Variants in ADAM23 observed in about 807,000 individuals in gnomAD.
The protein encoded by ADAM23 is ADAM metallopeptidase domain 23.
A neutral mutation model predicts 120.1 loss-of-function variants in ADAM23; 33 were observed. That is an observed-to-expected ratio of 0.27 (90% CI 0.21 to 0.37). ADAM23 has a LOEUF of 0.37. ADAM23 is among the 10% of genes least tolerant of loss of function. ADAM23 has a pLI of 1.00. For missense variants in ADAM23, 862 were observed against 1,058.2 expected (o/e 0.81, Z 2.57); for synonymous variants, 367 against 375.2 (o/e 0.98, Z 0.25).
chr2:206,563,952 G>T (rs759798076), intron 13 of ADAM23, among the ~76,000 whole-genome samples: 2 of 151,910 alleles, frequency 1.3e-5, no homozygotes, highest in Admixed American at 1.3e-4. Flanking sequence ...GTATGGTCTC[G>T]ATCTCCTGAC....
chr2:206,532,325 C>CT (rs755429602), intron 4 of ADAM23, among the ~76,000 whole-genome samples: 4,056 of 142,028 alleles, frequency 0.029, 96 homozygotes, highest in Non-Finnish European at 0.038. Context: ...CACTTAGTTA[C>CT]TTTTTTTTTT....
rs1455241190 is a variant in ADAM23 at position 206,443,898 on chromosome 2, C to T, written c.32C>T (p.Pro11Leu). MKPPGSSSRQ[P>L]PLAGCSLAGA... ...CCGCCCGGCAGCAGCTCGCGGCAGC[C>T]GCCCCTGGCGGGCTGCAGCCTTGCC... The change falls in exon 1 of 26, where the codon CCG becomes CTG. Residue 11 changes from proline to leucine, a missense_variant. Physicochemically the swap from Pro to Leu is moderately conservative, Grantham distance 98. Around this residue, in one of 4 missense-constraint regions of ADAM23, gnomAD observed 225 missense variants for 204.0 expected, o/e 1.10. Transcript: ENST00000264377. 4.2e-6 allele frequency: 5 copies of T among 1,179,866 alleles called. No individual in the cohort carries two copies. In the Admixed American group the frequency reaches 1.4e-4, roughly 33 times the overall value. 73.1% of individuals were successfully genotyped at this position (1,179,866 alleles called of 1,614,324 possible).
intron 3 of ADAM23, among the ~76,000 whole-genome samples, chr2:206,529,855 A>C (rs751802897): frequency 3.3e-5 from 5 of 151,946 alleles, no homozygotes; most frequent in Non-Finnish European, 5.9e-5. Context: ...TCTGTCTCTC[A>C]GGATGGAGTG....
At chr2:206,545,331 C>T (rs982037288) in intron 6 of ADAM23, among the ~76,000 whole-genome samples, 29 of 151,936 alleles carry the variant, frequency 1.9e-4, no homozygotes, top group African/African-American at 6.8e-4. Flanking sequence ...ACTAAAAATA[C>T]AAAAATTAGC....
At chr2:206,542,236 G>C in intron 5 of ADAM23, 102 bp downstream of exon 5, 1 of 1,143,092 alleles carries the variant, frequency 8.7e-7, no homozygotes. Flanking sequence ...TGCTGTGTTA[G>C]GGACTGCATG....
At chr2:206,580,260 A>T (rs1698197819) in intron 18 of ADAM23, among the ~76,000 whole-genome samples, 1 of 152,286 alleles carries the variant, frequency 6.6e-6, no homozygotes, top group Admixed American at 6.5e-5. Context: ...TATGTTGAAG[A>T]AGAGTGGTGA....
chr2:206,603,389 A>G (rs960508118), intron 24 of ADAM23, among the ~76,000 whole-genome samples: 3 of 152,238 alleles, frequency 2.0e-5, no homozygotes, highest in Non-Finnish European at 2.9e-5. Flanking sequence ...AGCAGAATCG[A>G]CAAAAAGAAA....
intron 9 of ADAM23, among the ~76,000 whole-genome samples, chr2:206,552,066 G>A (rs2105815073): frequency 6.6e-6 from 1 of 152,230 alleles, no homozygotes; most frequent in African/African-American, 2.4e-5. Flanking sequence ...GGAACATTGA[G>A]ATTTTTTTTC....
In ADAM23 at chr2:206,620,909, C is replaced by T. The variant is rs1699044500; in HGVS notation, c.*3282C>T. On this transcript the variant is annotated 3_prime_UTR_variant, in exon 26 of 26. Transcript: ENST00000264377. ...AAGAACTTTACAAACAATACTTGAA[C>T]CCTTTCTTTAAAGTTATCCCATCAT... is the stretch of plus-strand genomic sequence containing the variant. 6.6e-6 allele frequency: 1 copy of T among 152,174 alleles called. No individual in the cohort carries two copies. The allele number at this position is 152,174 out of a possible 1,614,324, so 9.4% of individuals were successfully genotyped here.
chr2:206,611,253 A>T (rs1204547454), intron 25 of ADAM23, among the ~76,000 whole-genome samples: 2 of 152,174 alleles, frequency 1.3e-5, no homozygotes, highest in African/African-American at 4.8e-5. Context: ...TGTAGAGTTG[A>T]ACTTGTTTAG....
chr2:206,483,090 CAG>C (rs752547519), intron 3 of ADAM23, among the ~76,000 whole-genome samples: 2 of 152,130 alleles, frequency 1.3e-5, no homozygotes, highest in Non-Finnish European at 2.9e-5. Flanking sequence ...AAAATCAAGT[CAG>C]GGGAATAAAC....
At position 206,470,921 on chromosome 2, in the gene ADAM23, A is replaced by G. The variant is rs1695644828; in HGVS notation, c.433-10311A>G. ...AGGGTAGTCAAGGAAAGCAAAGACC[A>G]CTTAGGAATATCATTGTCAAACAGC... is the stretch of plus-strand genomic sequence containing the variant. On this transcript the variant is annotated intron_variant, in intron 2 of 25. Coordinates refer to ENST00000264377, the MANE Select transcript of ADAM23 (RefSeq NM_003812.4). Among the ~76,000 whole-genome samples the G allele has an allele frequency of 2.0e-5, 3 of 152,206 alleles. No individual in the cohort carries two copies. In the South Asian group the frequency reaches 6.2e-4, roughly 31 times the overall value.
At chr2:206,507,724 G>C (rs931042620) in intron 3 of ADAM23, among the ~76,000 whole-genome samples, 1 of 152,188 alleles carries the variant, frequency 6.6e-6, no homozygotes, top group Non-Finnish European at 1.5e-5. Context: ...CCACTGTTGT[G>C]TATTTTTAAG....
chr2:206,590,010 C>G (rs1698396162), intron 21 of ADAM23, among the ~76,000 whole-genome samples: 1 of 151,870 alleles, frequency 6.6e-6, no homozygotes, highest in South Asian at 2.1e-4. Flanking sequence ...ATTTTTTTTC[C>G]CTTCCAAAAA....
chr2:206,444,139 C>T, intron 1 of ADAM23, 59 bp downstream of exon 1: 1 of 1,204,746 alleles, frequency 8.3e-7, no homozygotes, highest in Non-Finnish European at 1.0e-6. Context: ...CAGAGGAAAG[C>T]GAAGGGCGCG....
In ADAM23 at chr2:206,481,327, T is replaced by A; in HGVS notation, c.509+19T>A. ...TGAACAAGTGAGTATTTAGACATAA[T>A]CTTCTTAAGAAGCAGGTGCAATAAA... is the stretch of plus-strand genomic sequence containing the variant. On this transcript the variant is annotated intron_variant, in intron 3 of 25. Coordinates refer to ENST00000264377, the MANE Select transcript of ADAM23 (RefSeq NM_003812.4). The A allele has an allele frequency of 1.3e-6, 2 of 1,552,512 alleles. No homozygotes were observed. The highest frequency in any genetic ancestry group is 8.7e-7 in the Non-Finnish European group (1 of 1,148,798).
chr2:206,607,797 A>G (rs888147112), intron 24 of ADAM23, among the ~76,000 whole-genome samples: 12 of 152,166 alleles, frequency 7.9e-5, no homozygotes, highest in African/African-American at 2.9e-4. Context: ...TTAAAAAATA[A>G]TGTAGTACAA....
intron 3 of ADAM23, among the ~76,000 whole-genome samples, chr2:206,520,614 G>T (rs1696822862): frequency 6.6e-6 from 1 of 152,122 alleles, no homozygotes; most frequent in African/African-American, 2.4e-5. Flanking sequence ...CATATGTGGA[G>T]AGGCTGCTCC....
At chr2:206,481,445 A>C in intron 3 of ADAM23, 137 bp downstream of exon 3, 1 of 539,070 alleles carries the variant, frequency 1.9e-6, no homozygotes, top group Non-Finnish European at 3.0e-6. Context: ...TAAAGTATAA[A>C]ATTCTGAATG....
Sources: allele counts gnomAD v4.1 joint callset (sites outside exome capture counted in the v4.1 genomes callset), GRCh38; gene constraint gnomAD v4.1.1; regional missense constraint gnomAD v4.1.1; transcripts MANE v1.5; gene names NCBI Gene and HGNC (gene_info 2026-07-23, HGNC 2026-07-21).